SPTBN1: variants seen among roughly 807,000 people sequenced by gnomAD.
SPTBN1 encodes the protein spectrin beta, non-erythrocytic 1.
A neutral mutation model predicts 266.4 loss-of-function variants in SPTBN1; 32 were observed. The observed-to-expected ratio is 0.12, with a 90% confidence interval of 0.09 to 0.16. SPTBN1 has a LOEUF of 0.16. Ranked by LOEUF, SPTBN1 falls within the 10% of genes least tolerant of loss-of-function variation. The probability of loss-of-function intolerance (pLI) is 1.00; values close to 1 mark genes in which losing one functional copy is unlikely to be tolerated. For synonymous variants in SPTBN1, 1,336 were observed against 1,162.2 expected, an observed-to-expected ratio of 1.15 and a Z score of -3.04; for missense variants, 2,296 against 3,067.1, an observed-to-expected ratio of 0.75 and a Z score of 5.94.
At chr2:54,607,361 G>A (rs930576462) in intron 3 of SPTBN1, among the ~76,000 whole-genome samples, 2 of 152,146 alleles carry the variant, frequency 1.3e-5, no homozygotes, top group African/African-American at 4.8e-5. Context: ...GCTGGCTCAC[G>A]CCTGTAATCC....
At chr2:54,648,733 C>A (rs1191491757) in intron 24 of SPTBN1, among the ~76,000 whole-genome samples, 1 of 152,178 alleles carries the variant, frequency 6.6e-6, no homozygotes, top group Non-Finnish European at 1.5e-5. Flanking sequence ...CACTACCCAT[C>A]CCTAGTGTAA....
chr2:54,514,613 T>C (rs1350719864), intron 1 of SPTBN1, among the ~76,000 whole-genome samples: 2 of 152,112 alleles, frequency 1.3e-5, no homozygotes, highest in Non-Finnish European at 2.9e-5. Context: ...TGGTGGGGAG[T>C]AGCCACTCTG....
At chr2:54,593,586 T>C (rs1675830799) in intron 2 of SPTBN1, among the ~76,000 whole-genome samples, 1 of 151,858 alleles carries the variant, frequency 6.6e-6, no homozygotes, top group African/African-American at 2.4e-5. Flanking sequence ...GAGGGGATGG[T>C]GAGAAGTGTT....
At position 54,533,349 on chromosome 2, in the gene SPTBN1, AGTGTGTGTGTGTGTGTGTGTGTGTGT is replaced by A. The variant is rs56027497; in HGVS notation, c.148+6804_148+6829del. Among the ~76,000 whole-genome samples, 2 of 141,884 alleles carry A rather than the reference AGTGTGTGTGTGTGTGTGTGTGTGTGT, an allele frequency of 1.4e-5. No homozygotes were observed. Among genetic ancestry groups the A allele is most frequent in the Non-Finnish European group, 3.1e-5 (2 of 65,494 alleles). 93.1% of individuals were successfully genotyped at this position (141,884 alleles called of 152,430 possible). A position where few individuals can be genotyped will look rare whatever the true frequency, so the allele number is the denominator to read the frequency against. On this transcript the variant is annotated intron_variant, in intron 2 of 35. Transcript: ENST00000356805. This position sits in a 1 kb window ranked among gnomAD's most constrained non-coding sequence, Gnocchi z 4.2. ...AGTGAAACCCAGGCTAAAGGGGACT[AGTGTGTGTGTGTGTGTGTGTGTGTGT>A]GTGTGTGTGTGTGTGTGTGTCTAAA...
chr2:54,512,100 C>A (rs1267590521), intron 1 of SPTBN1, among the ~76,000 whole-genome samples: 1 of 152,150 alleles, frequency 6.6e-6, no homozygotes, highest in Admixed American at 6.5e-5. Context: ...ATGAATCTGA[C>A]AGGAGGCAGA....
chr2:54,598,607 A>T (rs1175710657), intron 2 of SPTBN1, among the ~76,000 whole-genome samples: 2 of 151,972 alleles, frequency 1.3e-5, no homozygotes, highest in Non-Finnish European at 2.9e-5. Context: ...GAGATTTCCT[A>T]CCCTACACCC....
chr2:54,578,450 C>T (rs11902987), intron 2 of SPTBN1, among the ~76,000 whole-genome samples: 48,105 of 151,808 alleles, frequency 0.32, 9,324 homozygotes, highest in African/African-American at 0.56. Flanking sequence ...TCCCTGTTTC[C>T]GGTTAGCTGC....
chr2:54,461,748 G>C (rs1693380403), intron 1 of SPTBN1, among the ~76,000 whole-genome samples: 4 of 152,150 alleles, frequency 2.6e-5, no homozygotes, highest in Admixed American at 2.6e-4. Context: ...TACCTGTTCA[G>C]TCTTTTACCC....
At chr2:54,578,427 A>C (rs1674636178) in intron 2 of SPTBN1, among the ~76,000 whole-genome samples, 1 of 152,174 alleles carries the variant, frequency 6.6e-6, no homozygotes, top group South Asian at 2.1e-4. Context: ...CCCTGTGTGA[A>C]TAAAATGGAT....
At chr2:54,563,594 T>G (rs13023143) in intron 2 of SPTBN1, among the ~76,000 whole-genome samples, 1 of 9,884 alleles carries the variant, frequency 1.0e-4, no homozygotes, top group South Asian at 4.3e-3. Flanking sequence ...AAATTTATTC[T>G]TTTTTTTTTT....
intron 3 of SPTBN1, among the ~76,000 whole-genome samples, chr2:54,602,360 A>G (rs1257782322): frequency 6.6e-6 from 1 of 152,200 alleles, no homozygotes; most frequent in Non-Finnish European, 1.5e-5. Context: ...GCCCTGCAGC[A>G]GCGTTGACAT....
intron 1 of SPTBN1, among the ~76,000 whole-genome samples, chr2:54,479,740 A>G (rs1168951972): frequency 6.6e-6 from 1 of 152,264 alleles, no homozygotes; most frequent in African/African-American, 2.4e-5. Flanking sequence ...TGTTTGGCAC[A>G]TAGCTATTCA....
At chr2:54,495,423 G>A (rs1371238634) in intron 1 of SPTBN1, among the ~76,000 whole-genome samples, 2 of 152,144 alleles carry the variant, frequency 1.3e-5, no homozygotes, top group African/African-American at 4.8e-5. Context: ...GCTCTGTCTT[G>A]CTAGACAGTT....
rs564872766 is a variant in SPTBN1 at position 54,659,724 on chromosome 2, G to A, written c.6357-212G>A. Among the ~76,000 whole-genome samples the A allele has an allele frequency of 1.5e-4, 23 of 152,284 alleles. No individual in the cohort carries two copies. The South Asian group carries it at 2.9e-3, about 19-fold the overall frequency. On this transcript the variant is annotated intron_variant, in intron 31 of 35. Transcript: ENST00000356805. ...CAACCTCTAATGCTGCCTTTATGTG[G>A]TGGAGCGGGGCATAGGGCATTCCTG...
At chr2:54,525,639 G>A (rs1343309407) in intron 1 of SPTBN1, among the ~76,000 whole-genome samples, 2 of 152,262 alleles carry the variant, frequency 1.3e-5, no homozygotes, top group East Asian at 3.8e-4. Context: ...TCCAGGAGAA[G>A]CTTAAAGATT....
intron 2 of SPTBN1, among the ~76,000 whole-genome samples, chr2:54,596,675 GTTTT>G (rs888260098): frequency 6.6e-6 from 1 of 152,140 alleles, no homozygotes; most frequent in African/African-American, 2.4e-5. Flanking sequence ...ACAAGAGCTT[GTTTT>G]TTTATTTTTG....
chr2:54,659,600 A>G (rs1000095994), intron 31 of SPTBN1, among the ~76,000 whole-genome samples: 1 of 130,842 alleles, frequency 7.6e-6, no homozygotes, highest in Non-Finnish European at 1.8e-5. Context: ...TTTTGTGGTG[A>G]TGCGTTTTTT....
At chr2:54,536,880 AAAATTAGCTG>A (rs755522301) in intron 2 of SPTBN1, among the ~76,000 whole-genome samples, 31 of 152,096 alleles carry the variant, frequency 2.0e-4, no homozygotes, top group Non-Finnish European at 4.1e-4. Flanking sequence ...AAAAGTAAAA[AAAATTAGCTG>A]AACACAGTGG....
chr2:54,579,409 A>G (rs564232885), intron 2 of SPTBN1, among the ~76,000 whole-genome samples: 26 of 151,294 alleles, frequency 1.7e-4, no homozygotes, highest in Admixed American at 2.6e-4. Context: ...ACCACAAACC[A>G]GAAGTTTCTG....
Sources: gnomAD v4.1 joint callset for allele counts (sites outside exome capture counted in the v4.1 genomes callset) on GRCh38, gnomAD v4.1.1 for gene constraint, Gnocchi (gnomAD v3.1) non-coding constraint, MANE v1.5 for transcripts, NCBI Gene and HGNC (gene_info 2026-07-23, HGNC 2026-07-21) for gene names.